The following IFI44L variants were observed in gnomAD, a reference collection of about 807,000 sequenced individuals.
IFI44L encodes interferon-induced protein 44-like.
A neutral mutation model predicts 39.3 loss-of-function variants in IFI44L; 40 were observed. That is an observed-to-expected ratio of 1.02 (90% CI 0.79 to 1.33). The LOEUF is 1.33. Among genes scored for constraint, IFI44L ranks in the 40% most tolerant of loss-of-function variants. The probability of loss-of-function intolerance (pLI) is 0.00; values close to 1 mark genes in which losing one functional copy is unlikely to be tolerated. For synonymous variants in IFI44L, 198 were observed against 182.3 expected (o/e 1.09, Z -0.69); for missense variants, 623 against 549.0 (o/e 1.13, Z -1.35).
chr1:78,625,488 C>G (rs79371714), intron 1 of IFI44L, among the ~76,000 whole-genome samples: 4,414 of 152,070 alleles, frequency 0.029, 96 homozygotes, highest in East Asian at 0.094. Flanking sequence ...GATGTTTTCT[C>G]TTACGTTTTT....
chr1:78,635,603 C>A, intron 5 of IFI44L, 114 bp downstream of exon 5: 1 of 827,932 alleles, frequency 1.2e-6, no homozygotes, highest in Non-Finnish European at 2.0e-6. Flanking sequence ...CAACATCAAT[C>A]AACACTATTC....
rs1279009990 is a variant in IFI44L, at chr1:78,643,633, TTGTTTTTTTTTTGTTGTTG to T, written c.*1826_*1844del. 72 of 137,752 alleles carry T rather than the reference TTGTTTTTTTTTTGTTGTTG, an allele frequency of 5.2e-4. No individual in the cohort carries two copies. In the South Asian group the frequency reaches 0.015, roughly 29 times the overall value. 8.5% of individuals were successfully genotyped at this position (137,752 alleles called of 1,614,324 possible). A position where few individuals can be genotyped will look rare whatever the true frequency, so the allele number is the denominator to read the frequency against. On this transcript the variant is annotated 3_prime_UTR_variant, in exon 9 of 9. Coordinates refer to ENST00000370751, the MANE Select transcript of IFI44L (RefSeq NM_006820.4). The stretch of plus-strand genomic sequence containing the variant: ...AACTGGAAGTTTTTTTTTGTTTGTT[TTGTTTTTTTTTTGTTGTTG>T]TTTTTTTTTTTTTTTGTTTTTTTGC...
chr1:78,630,789 T>A (rs1314527118), intron 4 of IFI44L, among the ~76,000 whole-genome samples: 2 of 152,158 alleles, frequency 1.3e-5, no homozygotes, highest in Non-Finnish European at 2.9e-5. Flanking sequence ...TTTGTTGATG[T>A]TGGCCAGATA....
chr1:78,632,001 G>C (rs1030519531), intron 4 of IFI44L, among the ~76,000 whole-genome samples: 6 of 152,002 alleles, frequency 3.9e-5, no homozygotes, highest in African/African-American at 1.4e-4. Flanking sequence ...ACTCCACTTT[G>C]GAATACACAT....
At chr1:78,641,282 C>CTT (rs1646980339) in intron 7 of IFI44L, among the ~76,000 whole-genome samples, 153 bp from the exon 8 acceptor site, 3 of 152,006 alleles carry the variant, frequency 2.0e-5, no homozygotes, top group African/African-American at 7.2e-5. Context: ...TTATATCACA[C>CTT]TTTAAAACTG....
At position 78,641,527 on chromosome 1, in the gene IFI44L, G is replaced by A; in HGVS notation, c.1242G>A (p.Lys414=). ...CAGATTTGGAACTGGACCCCATGAA[G>A]GATATTCTCATCCTCTCTGCACTGA... is the stretch of plus-strand genomic sequence containing the variant. ...YASDLELDPM[K]DILILSALRQ... The change falls in exon 8 of 9, where the codon AAG becomes AAA. Residue 414 remains lysine (K), a synonymous_variant. Transcript: ENST00000370751. 5 of 1,613,754 alleles carry A rather than the reference G, an allele frequency of 3.1e-6. No individual in the cohort carries two copies. Among genetic ancestry groups the A allele is most frequent in the Non-Finnish European group, 4.2e-6 (5 of 1,179,726 alleles).
chr1:78,621,969 A>G (rs968060636), intron 1 of IFI44L, among the ~76,000 whole-genome samples: 1 of 152,036 alleles, frequency 6.6e-6, no homozygotes, highest in African/African-American at 2.4e-5. Context: ...GAAATAGACA[A>G]TACATTGCTT....
chr1:78,637,340 T>A (rs1354080243), intron 6 of IFI44L, 137 bp downstream of exon 6: 3 of 627,210 alleles, frequency 4.8e-6, no homozygotes, highest in African/African-American at 3.9e-5. Context: ...GAGGGAGAGA[T>A]CATTCACAGG....
rs905988484 is a variant in IFI44L at position 78,645,642 on chromosome 1, G to A, written c.*3833G>A. ...GGCAAGGCTGATCAAAGTCGTCATG[G>A]AATCCTGCAACCAAAAGCCATGGGA... On this transcript the variant is annotated 3_prime_UTR_variant, in exon 9 of 9. Coordinates refer to ENST00000370751, the MANE Select transcript of IFI44L (RefSeq NM_006820.4). 1 of 152,166 alleles carries A rather than the reference G, an allele frequency of 6.6e-6. No homozygotes were observed. The highest frequency in any genetic ancestry group is 1.5e-5 in the Non-Finnish European group (1 of 68,042). The allele number at this position is 152,166 out of a possible 1,614,324, so 9.4% of individuals were successfully genotyped here.
Position 78,643,358 on chromosome 1 carries a change from T to A in IFI44L, c.*1549T>A, listed in dbSNP as rs927986158. On this transcript the variant is annotated 3_prime_UTR_variant, in exon 9 of 9. Transcript: ENST00000370751. ...TTAGAGAGGCAACCAGAAAAAGTTATTTTAGGCTCACCAGAGTTGTTCTTA... is the reference window on the plus strand; with the variant it reads ...TTAGAGAGGCAACCAGAAAAAGTTAATTTAGGCTCACCAGAGTTGTTCTTA... 1 of 152,080 alleles carries A rather than the reference T, an allele frequency of 6.6e-6. No individual in the cohort carries two copies. Among genetic ancestry groups the A allele is most frequent in the African/African-American group, 2.4e-5 (1 of 41,426 alleles). 9.4% of individuals were successfully genotyped at this position (152,080 alleles called of 1,614,324 possible).
Position 78,642,767 on chromosome 1 carries a change from A to G in IFI44L, c.*958A>G, listed in dbSNP as rs1294560165. The G allele has an allele frequency of 6.6e-6, 1 of 152,134 alleles. No homozygotes were observed. Among genetic ancestry groups the G allele is most frequent in the African/African-American group, 2.4e-5 (1 of 41,440 alleles). 9.4% of individuals were successfully genotyped at this position (152,134 alleles called of 1,614,324 possible). Reference sequence around the variant, plus strand: ...TTTTAACAATTTACATTTTATTTCTATGGGAAAAAATAAATATTCCTCTTC... The same window carrying G: ...TTTTAACAATTTACATTTTATTTCTGTGGGAAAAAATAAATATTCCTCTTC... On this transcript the variant is annotated 3_prime_UTR_variant, in exon 9 of 9. Transcript: ENST00000370751.
chr1:78,640,975 A>G (rs761663680), intron 6 of IFI44L, 46 bp from the exon 7 acceptor site: 2 of 1,355,656 alleles, frequency 1.5e-6, no homozygotes, highest in Admixed American at 3.4e-5. Flanking sequence ...TTGTTGACAC[A>G]TTGCTATTTA....
Position 78,628,972 on chromosome 1 carries a change from A to G in IFI44L, c.500A>G (p.Asp167Gly), listed in dbSNP as rs768636702. The change falls in exon 3 of 9, where the codon GAC (aspartate) becomes GGC (glycine). Residue 167 changes from aspartate to glycine, a missense_variant. Coordinates refer to ENST00000370751, the MANE Select transcript of IFI44L (RefSeq NM_006820.4). ...ATAGGAATTAAGGATAACCTAGACG[A>G]CATAAAGAGGATAATTAAAGCCAGA... ...RVEGIKDNLD[D>G]IKRIIKAREH... is the part of the protein sequence containing the mutation. 7.0e-6 allele frequency: 11 copies of G among 1,582,000 alleles called. No individual in the cohort carries two copies. Among genetic ancestry groups the G allele is most frequent in the African/African-American group, 2.7e-5 (2 of 74,176 alleles).
Position 78,641,899 on chromosome 1 carries a change from T to C in IFI44L, c.*90T>C. 6.8e-7 allele frequency: 1 copy of C among 1,461,874 alleles called. No individual in the cohort carries two copies. Among genetic ancestry groups the C allele is most frequent in the Non-Finnish European group, 9.6e-7 (1 of 1,041,760 alleles). The allele number at this position is 1,461,874 out of a possible 1,614,324, so 90.6% of individuals were successfully genotyped here. A position where few individuals can be genotyped will look rare whatever the true frequency, so the allele number is the denominator to read the frequency against. On this transcript the variant is annotated 3_prime_UTR_variant, in exon 9 of 9. Coordinates refer to ENST00000370751, the MANE Select transcript of IFI44L (RefSeq NM_006820.4). ...CTCTATTGACAGCCTGCTTCAGATT[T>C]TGCTTTTGTTCGTTTTGCCTTCTGT...
Position 78,642,058 on chromosome 1 carries a change from C to A in IFI44L, c.*249C>A. On this transcript the variant is annotated 3_prime_UTR_variant, in exon 9 of 9. Transcript: ENST00000370751. ...CAGTTTCTGTGACATCTTTTTAAAC[C>A]ACTGGAGGAAAAATGAGATATTCTC... 1 of 571,014 alleles carries A rather than the reference C, an allele frequency of 1.8e-6. No homozygotes were observed. The highest frequency in any genetic ancestry group is 3.1e-6 in the Non-Finnish European group (1 of 321,152). 35.4% of individuals were successfully genotyped at this position (571,014 alleles called of 1,614,324 possible).
chr1:78,634,512 A>G (rs1416512419), intron 4 of IFI44L, among the ~76,000 whole-genome samples: 1 of 152,194 alleles, frequency 6.6e-6, no homozygotes, highest in East Asian at 1.9e-4. Context: ...TAAAGGAGGG[A>G]TAAAGATTTT....
intron 1 of IFI44L, among the ~76,000 whole-genome samples, chr1:78,623,193 A>G (rs987130461): frequency 6.6e-6 from 1 of 151,544 alleles, no homozygotes; most frequent in Non-Finnish European, 1.5e-5. Context: ...TTTCTTTTTT[A>G]TTTTGGCCTA....
Position 78,629,888 on chromosome 1 carries a change from G to T in IFI44L, c.696G>T (p.Gly232=), listed in dbSNP as rs750740493. The change falls in exon 4 of 9, where the codon GGG becomes GGT. Residue 232 remains glycine (G), a synonymous_variant. Transcript: ENST00000370751. ...ATGTGACTGGCCAAGCCGTAGTGGGGTCTGATATCACCAGCATAACCGAGC... is the reference window on the plus strand; with the variant it reads ...ATGTGACTGGCCAAGCCGTAGTGGGTTCTGATATCACCAGCATAACCGAGC... ...HGHVTGQAVV[G]SDITSITERY... 2.5e-6 allele frequency: 4 copies of T among 1,613,700 alleles called. No individual in the cohort carries two copies. Among genetic ancestry groups the T allele is most frequent in the Non-Finnish European group, 2.5e-6 (3 of 1,179,754 alleles).
chr1:78,629,989 T>G, intron 4 of IFI44L, 74 bp downstream of exon 4: 1 of 1,329,928 alleles, frequency 7.5e-7, no homozygotes, highest in Non-Finnish European at 1.1e-6. Flanking sequence ...CCTTTTTCTC[T>G]TAGGGCAATC....
Sources: gnomAD v4.1 joint callset for allele counts (sites outside exome capture counted in the v4.1 genomes callset) on GRCh38, gnomAD v4.1.1 for gene constraint, MANE v1.5 for transcripts, NCBI Gene and HGNC (gene_info 2026-07-23, HGNC 2026-07-21) for gene names.